Variants in ANAPC15 observed in about 807,000 individuals in gnomAD.
ANAPC15 encodes anaphase-promoting complex subunit 15.
A neutral mutation model predicts 19.8 loss-of-function variants in ANAPC15; 13 were observed. The ratio of observed to expected loss-of-function variants is 0.66; its 90% confidence interval spans 0.43 to 1.04. The LOEUF is 1.04. Ranked by LOEUF, ANAPC15 falls within the 50% of genes least tolerant of loss-of-function variation. ANAPC15 has a pLI of 0.00. For missense variants in ANAPC15, 88 were observed against 150.3 expected (o/e 0.59, Z 2.17); for synonymous variants, 45 against 50.7 (o/e 0.89, Z 0.47).
intron 4 of ANAPC15, 133 bp downstream of exon 4, chr11:72,110,411 T>C: frequency 6.6e-7 from 1 of 1,510,698 alleles, no homozygotes; most frequent in Non-Finnish European, 9.0e-7. Flanking sequence ...ACCCCTTCTA[T>C]CTCCCCTTTT....
Position 72,109,783 on chromosome 11 carries a change from G to C in ANAPC15, c.*98C>G, listed in dbSNP as rs528310434. The C allele has an allele frequency of 1.3e-6, 2 of 1,486,534 alleles. No individual in the cohort carries two copies. The highest frequency in any genetic ancestry group is 2.3e-5 in the East Asian group (1 of 44,300). The allele number at this position is 1,486,534 out of a possible 1,614,324, so 92.1% of individuals were successfully genotyped here. A position where few individuals can be genotyped will look rare whatever the true frequency, so the allele number is the denominator to read the frequency against. On this transcript the variant is annotated 3_prime_UTR_variant, in exon 6 of 6. Coordinates refer to ENST00000227618, the MANE Select transcript of ANAPC15 (RefSeq NM_014042.3). ...TGCCCAAGGGCACTTTCAGGCACTG[G>C]GGCCATCAGCTGGTTCTGTGGGCAG...
At chr11:72,107,853 T>G, downstream of ANAPC15, 2,248 of 1,448,964 alleles carry the variant, frequency 1.6e-3, no homozygotes, top group Non-Finnish European at 1.9e-3. Context: ...GGTAGGCATT[T>G]GAGATATCTT....
chr11:72,110,072 C>T lies in ANAPC15; in HGVS notation c.318+16G>A, dbSNP rs369633633. On this transcript the variant is annotated intron_variant, in intron 5 of 5. Transcript: ENST00000227618. ...GGGTCCAGGAACAGAGGCCCTCCCC[C>T]ATACCCCTTGCCTACCTCATTGACC... 1 of 1,614,084 alleles carries T rather than the reference C, an allele frequency of 6.2e-7. No individual in the cohort carries two copies. The highest frequency in any genetic ancestry group is 1.1e-5 in the South Asian group (1 of 91,086).
downstream of ANAPC15, chr11:72,108,714 T>C (rs1162348270): frequency 6.5e-7 from 1 of 1,549,698 alleles, no homozygotes; most frequent in East Asian, 2.4e-5. Flanking sequence ...CGATGTTACC[T>C]GAGGGACCTG....
downstream of ANAPC15, chr11:72,107,825 G>A (rs1945840402): frequency 7.4e-7 from 1 of 1,356,420 alleles, no homozygotes; most frequent in Non-Finnish European, 1.0e-6. Context: ...CCGGCTGGTT[G>A]GGAGCTGCAG....
chr11:72,112,532 G>A, intron 1 of ANAPC15, 118 bp downstream of exon 1: 1 of 359,066 alleles, frequency 2.8e-6, no homozygotes, highest in South Asian at 2.0e-5. Flanking sequence ...AGCTCTTTAA[G>A]GGTTAAGGAC....
intron 1 of ANAPC15, 147 bp downstream of exon 1, chr11:72,112,503 G>A (rs1947290655): frequency 4.1e-5 from 13 of 317,878 alleles, no homozygotes; most frequent in South Asian, 2.3e-4. Flanking sequence ...TAGTCTCGAG[G>A]AAGCGGCCAA....
chr11:72,107,623 G>T, downstream of ANAPC15: 1 of 663,600 alleles, frequency 1.5e-6, no homozygotes, highest in Non-Finnish European at 2.7e-6. Flanking sequence ...GGTAGGATAG[G>T]ATCAGGTCCA....
At chr11:72,110,693 C>T in intron 3 of ANAPC15, 90 bp from the exon 4 acceptor site, 1 of 1,425,166 alleles carries the variant, frequency 7.0e-7, no homozygotes, top group Non-Finnish European at 9.8e-7. Flanking sequence ...AGAAGACAAC[C>T]CACACGTGTT....
Position 72,109,603 on chromosome 11 carries a change from T to C in ANAPC15, c.*278A>G, listed in dbSNP as rs370839713. ...AGACATGGGTGGAAAATCACTCCTT[T>C]GTCTTTATTAAAGAAACTTAGACCA... On this transcript the variant is annotated 3_prime_UTR_variant, in exon 6 of 6. Coordinates refer to ENST00000227618, the MANE Select transcript of ANAPC15 (RefSeq NM_014042.3). 2.1e-5 allele frequency: 12 copies of C among 563,500 alleles called. No individual in the cohort carries two copies. The African/African-American group carries it at 2.3e-4, about 11-fold the overall frequency. 34.9% of individuals were successfully genotyped at this position (563,500 alleles called of 1,614,324 possible).
intron 3 of ANAPC15, 94 bp from the exon 4 acceptor site, chr11:72,110,697 A>G (rs767267287): frequency 7.2e-7 from 1 of 1,386,076 alleles, no homozygotes; most frequent in Admixed American, 2.0e-5. Context: ...GACAACCCAC[A>G]CGTGTTGGGG....
downstream of ANAPC15, among the ~76,000 whole-genome samples, chr11:72,108,400 C>T (rs768745109): frequency 6.6e-6 from 1 of 152,238 alleles, no homozygotes; most frequent in Non-Finnish European, 1.5e-5. Context: ...TTGAGCAAAG[C>T]ATGCATCCTC....
At chr11:72,107,988 T>A (rs1458835908), downstream of ANAPC15, 5 of 1,551,650 alleles carry the variant, frequency 3.2e-6, no homozygotes, top group Non-Finnish European at 4.4e-6. Context: ...GGGAACCTAC[T>A]GTGGATACTC....
At chr11:72,110,737 A>G in intron 3 of ANAPC15, 134 bp from the exon 4 acceptor site, 1 of 858,310 alleles carries the variant, frequency 1.2e-6, no homozygotes, top group Non-Finnish European at 1.8e-6. Flanking sequence ...TCAGGGAGAT[A>G]CAATCCCTTT....
At chr11:72,109,223 C>T, downstream of ANAPC15, 1 of 478,754 alleles carries the variant, frequency 2.1e-6, no homozygotes, top group Non-Finnish European at 4.0e-6. Context: ...CCAAGGGAAT[C>T]CCCACCTTGC....
In ANAPC15 at chr11:72,111,380, A is replaced by G. The variant is rs899164318; in HGVS notation, c.-11+32T>C. The G allele has an allele frequency of 3.1e-5, 29 of 926,450 alleles. No homozygotes were observed. In the Admixed American group the frequency reaches 5.2e-4, roughly 17 times the overall value. 57.4% of individuals were successfully genotyped at this position (926,450 alleles called of 1,614,324 possible). On this transcript the variant is annotated intron_variant, in intron 2 of 5. Transcript: ENST00000227618. Reference sequence around the variant, plus strand: ...AGGGATAGGGTGGAAGACAGCAGGAAAGCAGCCCCTCCCCCTAGGAATCAG... The same window carrying G: ...AGGGATAGGGTGGAAGACAGCAGGAGAGCAGCCCCTCCCCCTAGGAATCAG...
chr11:72,110,062 G>A (rs996250328), intron 5 of ANAPC15, 26 bp downstream of exon 5: 1 of 1,613,924 alleles, frequency 6.2e-7, no homozygotes, highest in Non-Finnish European at 8.5e-7. Flanking sequence ...CAGGAACAGA[G>A]GCCCTCCCCC....
Position 72,109,681 on chromosome 11 carries a change from G to C in ANAPC15, c.*200C>G. On this transcript the variant is annotated 3_prime_UTR_variant, in exon 6 of 6. Transcript: ENST00000227618. ...GGCCAGGAAGGTGGAGTAGGTTTCA[G>C]GCCCTGGGGATTTCAAGTGCAGACT... 1 of 642,042 alleles carries C rather than the reference G, an allele frequency of 1.6e-6. No individual in the cohort carries two copies. Among genetic ancestry groups the C allele is most frequent in the South Asian group, 1.9e-5 (1 of 52,942 alleles). 39.8% of individuals were successfully genotyped at this position (642,042 alleles called of 1,614,324 possible).
At chr11:72,112,512 A>C (rs1402052140) in intron 1 of ANAPC15, 138 bp downstream of exon 1, 2 of 319,094 alleles carry the variant, frequency 6.3e-6, no homozygotes, top group African/African-American at 4.4e-5. Context: ...GGAAGCGGCC[A>C]ATGAGCTGGA....
Sources: allele counts gnomAD v4.1 joint callset (sites outside exome capture counted in the v4.1 genomes callset), GRCh38; gene constraint gnomAD v4.1.1; transcripts MANE v1.5; gene names NCBI Gene and HGNC (gene_info 2026-07-23, HGNC 2026-07-21).